The following CLSPN variants were observed in gnomAD, a reference collection of about 807,000 sequenced individuals.
The protein encoded by CLSPN is claspin.
A neutral mutation model predicts 156.3 loss-of-function variants in CLSPN; 85 were observed. The observed-to-expected ratio is 0.54, with a 90% confidence interval of 0.46 to 0.65. The LOEUF is 0.65. CLSPN is among the 30% of genes least tolerant of loss of function. The probability of loss-of-function intolerance (pLI) is 0.00; values close to 1 mark genes in which losing one functional copy is unlikely to be tolerated. For missense variants in CLSPN, 1,407 were observed against 1,554.9 expected (o/e 0.90, Z 1.60); for synonymous variants, 534 against 542.4 (o/e 0.98, Z 0.22).
Position 35,749,528 on chromosome 1 carries a change from G to T in CLSPN, c.2211C>A (p.Tyr737Ter). The change falls in exon 12 of 25, where the codon TAC becomes TAA. Residue 737 changes from tyrosine to a stop codon, truncating the protein, a stop_gained. Transcript: ENST00000318121. LOFTEE classifies it high-confidence loss of function. ...TTTCTGATTTTTCTTCAGTAGGAAA[G>T]TAACTGCAAAATAAGAAAGTAAATT... ...LFKDSSSKMG[Y>*]FPTEEKSETD... The T allele has an allele frequency of 6.2e-7, 1 of 1,614,048 alleles. No homozygotes were observed. The highest frequency in any genetic ancestry group is 1.1e-5 in the South Asian group (1 of 91,080).
At chr1:35,762,623 A>G in intron 4 of CLSPN, 142 bp from the exon 5 acceptor site, 1 of 658,032 alleles carries the variant, frequency 1.5e-6, no homozygotes, top group Non-Finnish European at 2.7e-6. Context: ...TATTAAACAC[A>G]CAGCATCCTA....
chr1:35,730,431 G>A (rs1319959185), downstream of CLSPN, among the ~76,000 whole-genome samples: 1 of 151,980 alleles, frequency 6.6e-6, no homozygotes, highest in Non-Finnish European at 1.5e-5. Flanking sequence ...TTAGCCAGAT[G>A]TGGTGGTGCA....
At position 35,734,243 on chromosome 1, in the gene CLSPN, A is replaced by G; in HGVS notation, c.*2253T>C. 2.0e-6 allele frequency: 2 copies of G among 985,476 alleles called. No individual in the cohort carries two copies. Among genetic ancestry groups the G allele is most frequent in the Non-Finnish European group, 2.4e-6 (2 of 829,940 alleles). 61.0% of individuals were successfully genotyped at this position (985,476 alleles called of 1,614,324 possible). A position where few individuals can be genotyped will look rare whatever the true frequency, so the allele number is the denominator to read the frequency against. ...CCAAGAATGAGCATTCAAGCTGGAC[A>G]GCAAATCTTCCCTTCAAGGCATTAA... On this transcript the variant is annotated 3_prime_UTR_variant, in exon 25 of 25. Coordinates refer to ENST00000318121, the MANE Select transcript of CLSPN (RefSeq NM_022111.4).
Position 35,746,675 on chromosome 1 carries a change from G to A in CLSPN, c.2854+91C>T. 1 of 844,492 alleles carries A rather than the reference G, an allele frequency of 1.2e-6. No homozygotes were observed. Among genetic ancestry groups the A allele is most frequent in the Non-Finnish European group, 2.0e-6 (1 of 510,578 alleles). The allele number at this position is 844,492 out of a possible 1,614,324, so 52.3% of individuals were successfully genotyped here. ...AGCCTCCCAAAGTTCTAGGATTACAGGCATGAGCCACCCCACCCGCCCAGG... is the reference window on the plus strand; with the variant it reads ...AGCCTCCCAAAGTTCTAGGATTACAAGCATGAGCCACCCCACCCGCCCAGG... On this transcript the variant is annotated intron_variant, in intron 15 of 24. Transcript: ENST00000318121. The surrounding 1 kb of genome is among the most constrained non-coding windows in gnomAD (Gnocchi z 4.2).
At position 35,748,049 on chromosome 1, in the gene CLSPN, G is replaced by C; in HGVS notation, c.2485C>G (p.Leu829Val). The change falls in exon 14 of 25, where the codon CTG becomes GTG. Residue 829 changes from leucine to valine, a missense_variant. Leu to Val is a conservative substitution (Grantham distance 32). Around this residue, in one of 3 missense-constraint regions of CLSPN, gnomAD observed 1,096 missense variants for 1,193.0 expected, o/e 0.92. Coordinates refer to ENST00000318121, the MANE Select transcript of CLSPN (RefSeq NM_022111.4). ...VSSASKSSGK[L>V]SEPSLPIEDS... ...TCTATGGGAAGTGAAGGCTCAGACAGTTTCCCTGAACTCTGGCACACAAAC... is the reference window on the plus strand; with the variant it reads ...TCTATGGGAAGTGAAGGCTCAGACACTTTCCCTGAACTCTGGCACACAAAC... The C allele has an allele frequency of 6.2e-7, 1 of 1,608,434 alleles. No homozygotes were observed. Among genetic ancestry groups the C allele is most frequent in the South Asian group, 1.1e-5 (1 of 89,644 alleles).
intron 10 of CLSPN, among the ~76,000 whole-genome samples, chr1:35,750,380 G>A (rs1642039789): frequency 6.6e-6 from 1 of 150,728 alleles, no homozygotes; most frequent in Admixed American, 6.6e-5. Context: ...AGTGATCCCA[G>A]CATACAAAAA....
chr1:35,751,433 C>T lies in CLSPN; in HGVS notation c.1845G>A (p.Lys615=), dbSNP rs140576404. The change falls in exon 10 of 25, where the codon AAG becomes AAA. Residue 615 remains lysine (K), a synonymous_variant. Coordinates refer to ENST00000318121, the MANE Select transcript of CLSPN (RefSeq NM_022111.4). The part of the protein sequence containing the change: ...MKLRRFEERQ[K]RQALFKLDNE... ...TATCTAATTTAAACAGTGCTTGGCG[C>T]TTCTGGCGCTCCTCAAACCTTCGGA... 7 of 1,613,992 alleles carry T rather than the reference C, an allele frequency of 4.3e-6. No individual in the cohort carries two copies. Among genetic ancestry groups the T allele is most frequent in the Non-Finnish European group, 5.1e-6 (6 of 1,180,036 alleles).
In CLSPN at chr1:35,762,085, G is replaced by T. The variant is rs930983958; in HGVS notation, c.823-15C>A. ...GCCTTTCTTTCCTTAAAGAAAACAA[G>T]AAGTGAGACTACATTAATTATATGA... On this transcript the variant is annotated splice_polypyrimidine_tract_variant and intron_variant, in intron 5 of 24. Coordinates refer to ENST00000318121, the MANE Select transcript of CLSPN (RefSeq NM_022111.4). The T allele has an allele frequency of 1.3e-6, 2 of 1,539,172 alleles. No homozygotes were observed. Among genetic ancestry groups the T allele is most frequent in the African/African-American group, 1.4e-5 (1 of 73,510 alleles).
intron 24 of CLSPN, among the ~76,000 whole-genome samples, chr1:35,724,106 A>AT (rs140321342): frequency 8.5e-5 from 13 of 152,158 alleles, no homozygotes; most frequent in East Asian, 1.9e-4. Flanking sequence ...CACAGAGGTG[A>AT]TTTTTTTTAT....
At chr1:35,766,957 G>T (rs867249492) in intron 1 of CLSPN, among the ~76,000 whole-genome samples, 19 of 151,762 alleles carry the variant, frequency 1.3e-4, no homozygotes, top group Middle Eastern at 3.2e-3. Flanking sequence ...ATGTTAGCCA[G>T]GCTGGTCTCG....
Position 35,764,340 on chromosome 1 carries a change from T to C in CLSPN, c.508A>G (p.Lys170Glu), listed in dbSNP as rs759944327. Residue 170 changes from lysine to glutamate, a missense_variant, in exon 3 of 25, where the codon AAA becomes GAA. By Grantham distance (56) the Lys-to-Glu change is moderately conservative (BLOSUM62 1). Transcript: ENST00000318121. ...GTAGKAKVKS[K>E]RRLEKEERKM... ...CTCTCCTCTTTCTCAAGTCTTCTTT[T>C]TGATTTTACTTTTGCTTTTCCTGCA... The C allele has an allele frequency of 1.2e-6, 2 of 1,603,744 alleles. No homozygotes were observed. Among genetic ancestry groups the C allele is most frequent in the African/African-American group, 2.7e-5 (2 of 74,302 alleles).
chr1:35,748,715 T>C, intron 12 of CLSPN, 111 bp from the exon 13 acceptor site: 1 of 785,682 alleles, frequency 1.3e-6, no homozygotes, highest in Non-Finnish European at 2.1e-6. Flanking sequence ...GGCAAACCCC[T>C]CAAGTTATAT....
chr1:35,732,370 T>C lies in CLSPN; in HGVS notation c.*4126A>G. 1.0e-6 allele frequency: 1 copy of C among 985,264 alleles called. No individual in the cohort carries two copies. The highest frequency in any genetic ancestry group is 4.7e-5 in the South Asian group (1 of 21,278). 61.0% of individuals were successfully genotyped at this position (985,264 alleles called of 1,614,324 possible). On this transcript the variant is annotated 3_prime_UTR_variant, in exon 25 of 25. Transcript: ENST00000318121. Reference sequence around the variant, plus strand: ...AACCAAAAACACCCCCTAAAAAGTCTCCCAGCCTGAGCATTAGAAACTCTC... The same window carrying C: ...AACCAAAAACACCCCCTAAAAAGTCCCCCAGCCTGAGCATTAGAAACTCTC...
Position 35,734,780 on chromosome 1 carries a change from C to T in CLSPN, c.*1716G>A, listed in dbSNP as rs1001026925. ...ATTGCATCAATTAAATTGGTGTTCC[C>T]ATCTCCCAGTAAAAAACTGGCACAC... On this transcript the variant is annotated 3_prime_UTR_variant, in exon 25 of 25. Coordinates refer to ENST00000318121, the MANE Select transcript of CLSPN (RefSeq NM_022111.4). 4.1e-6 allele frequency: 4 copies of T among 984,904 alleles called. No homozygotes were observed. In the African/African-American group the frequency reaches 7.0e-5, roughly 17 times the overall value. The allele number at this position is 984,904 out of a possible 1,614,324, so 61.0% of individuals were successfully genotyped here.
intron 8 of CLSPN, among the ~76,000 whole-genome samples, chr1:35,755,871 G>C (rs1354663485): frequency 6.6e-6 from 1 of 152,024 alleles, no homozygotes; most frequent in Admixed American, 6.6e-5. Flanking sequence ...ACCACATCTG[G>C]CTTTGTTATT....
rs1641358318 is a variant in CLSPN at position 35,733,170 on chromosome 1, G to T, written c.*3326C>A. ...TTTAGTAGAGACGGGGTTTCACCTT[G>T]TTGGTCAGTCTGGTCTCCAACTCCT... On this transcript the variant is annotated 3_prime_UTR_variant, in exon 25 of 25. Coordinates refer to ENST00000318121, the MANE Select transcript of CLSPN (RefSeq NM_022111.4). 1.3e-5 allele frequency among the ~76,000 whole-genome samples: 2 copies of T among 151,972 alleles called. No individual in the cohort carries two copies. The highest frequency in any genetic ancestry group is 2.9e-5 in the Non-Finnish European group (2 of 67,986).
Position 35,749,765 on chromosome 1 carries a change from T to C in CLSPN, c.2075A>G (p.Glu692Gly). Residue 692 changes from glutamate to glycine, a missense_variant, in exon 11 of 25, where the codon GAA becomes GGA. Coordinates refer to ENST00000318121, the MANE Select transcript of CLSPN (RefSeq NM_022111.4). ...ATTATTTTCTTTATCCATTTCTTTT[T>C]CATCTTTTGTTTCTATTTCTTCACT... The part of the protein sequence containing the change: ...LSSEEIETKD[E>G]KEMDKENNDG... The C allele has an allele frequency of 6.2e-7, 1 of 1,614,102 alleles. No individual in the cohort carries two copies. The highest frequency in any genetic ancestry group is 2.2e-5 in the East Asian group (1 of 44,872).
At chr1:35,765,736 T>G (rs2148628172) in intron 1 of CLSPN, among the ~76,000 whole-genome samples, 1 of 152,238 alleles carries the variant, frequency 6.6e-6, no homozygotes. Flanking sequence ...CCTAGGCAAT[T>G]ATCATTAATG....
chr1:35,759,996 G>A lies in CLSPN; in HGVS notation c.1579+346C>T, dbSNP rs538483641. ...CTACAGATGCGTGCCACCATGCCCG[G>A]CTAATTTTTGTATTTTTAGTACAGA... On this transcript the variant is annotated intron_variant, in intron 8 of 24. Transcript: ENST00000318121. 5.3e-5 allele frequency among the ~76,000 whole-genome samples: 8 copies of A among 152,122 alleles called. No homozygotes were observed. In the South Asian group the frequency reaches 1.5e-3, roughly 28 times the overall value.
Sources: allele counts gnomAD v4.1 joint callset (sites outside exome capture counted in the v4.1 genomes callset), GRCh38; gene constraint gnomAD v4.1.1; regional missense constraint gnomAD v4.1.1; non-coding constraint Gnocchi (gnomAD v3.1); transcripts MANE v1.5; gene names NCBI Gene and HGNC (gene_info 2026-07-23, HGNC 2026-07-21).